TUBGCP6: variants seen among roughly 807,000 people sequenced by gnomAD.
The protein encoded by TUBGCP6 is gamma-tubulin complex component 6.
In TUBGCP6, 161 loss-of-function variants were observed where a neutral mutation model predicts 175.8. The ratio of observed to expected loss-of-function variants is 0.92; its 90% confidence interval spans 0.81 to 1.04. TUBGCP6 has a LOEUF of 1.04. Among genes scored for constraint, TUBGCP6 ranks in the 50% least tolerant of loss-of-function variants. The pLI, the probability that TUBGCP6 is intolerant of heterozygous loss-of-function variation, is 0.00. For missense variants in TUBGCP6, 2,572 were observed against 2,433.0 expected (o/e 1.06, Z -1.20); for synonymous variants, 1,173 against 1,030.5 (o/e 1.14, Z -2.65).
At chr22:50,233,567 G>A in intron 2 of TUBGCP6, 41 bp from the exon 3 acceptor site, 3 of 1,548,040 alleles carry the variant, frequency 1.9e-6, no homozygotes, top group Non-Finnish European at 2.6e-6. Flanking sequence ...CAGACGTGGT[G>A]ACCTGCACCT....
At chr22:50,219,819 C>CTCCCG in intron 17 of TUBGCP6, 28 bp from the exon 18 acceptor site, 1 of 1,609,500 alleles carries the variant, frequency 6.2e-7, no homozygotes. Context: ...TCAGAACCAC[C>CTCCCG]TCCCCACTGC....
At chr22:50,233,634 C>T in intron 2 of TUBGCP6, 108 bp from the exon 3 acceptor site, 1 of 1,101,270 alleles carries the variant, frequency 9.1e-7, no homozygotes, top group Non-Finnish European at 1.3e-6. Flanking sequence ...GGAAGTGATT[C>T]AAAACAATAA....
In TUBGCP6 at chr22:50,219,069, T is replaced by G; in HGVS notation, c.4625A>C (p.Lys1542Thr). The change falls in exon 20 of 25, where the codon AAG becomes ACG. Residue 1542 changes from lysine to threonine, a missense_variant and splice_region_variant. Coordinates refer to ENST00000248846, the MANE Select transcript of TUBGCP6 (RefSeq NM_020461.4). ...AQSLSDLLFE[K>T]LGAGQTPGEL... Reference sequence around the variant, plus strand: ...CCCCACCCCGTGTCCGGAGGCCACCTTCTCAAAGAGCAGGTCGCTGAGGGA... The same window carrying G: ...CCCCACCCCGTGTCCGGAGGCCACCGTCTCAAAGAGCAGGTCGCTGAGGGA... 6.2e-7 allele frequency: 1 copy of G among 1,612,060 alleles called. No homozygotes were observed. Among genetic ancestry groups the G allele is most frequent in the Non-Finnish European group, 8.5e-7 (1 of 1,179,910 alleles).
Position 50,227,888 on chromosome 22 carries a change from C to G in TUBGCP6, c.1412+19G>C. On this transcript the variant is annotated intron_variant, in intron 5 of 24. Coordinates refer to ENST00000248846, the MANE Select transcript of TUBGCP6 (RefSeq NM_020461.4). Reference sequence around the variant, plus strand: ...CGCTCCCGCAAAGTCCCCTGCTCAGCCGCCATGCTGAGGCTCACCTGAGCT... The same window carrying G: ...CGCTCCCGCAAAGTCCCCTGCTCAGGCGCCATGCTGAGGCTCACCTGAGCT... The G allele has an allele frequency of 6.4e-7, 1 of 1,568,908 alleles. No homozygotes were observed. Among genetic ancestry groups the G allele is most frequent in the Non-Finnish European group, 8.6e-7 (1 of 1,157,104 alleles).
At chr22:50,242,075 G>C (rs577388390) in intron 1 of TUBGCP6, among the ~76,000 whole-genome samples, 2 of 150,406 alleles carry the variant, frequency 1.3e-5, no homozygotes, top group African/African-American at 4.9e-5. Flanking sequence ...GGCAGATCAC[G>C]AGGTGAGGAG....
rs758638626 is a variant in TUBGCP6 at position 50,219,979 on chromosome 22, GGAGA to G, written c.4141_4144del (p.Ser1381GlnfsTer93). 6.2e-7 allele frequency: 1 copy of G among 1,614,038 alleles called. No homozygotes were observed. The highest frequency in any genetic ancestry group is 8.5e-7 in the Non-Finnish European group (1 of 1,179,972). ...AACCTGTGAGTTGAGAGGCCAATTT[GGAGA>G]GAGGTCCTCAGTGTCCCCGCTCCTC... On this transcript the variant is annotated frameshift_variant, in exon 17 of 25. Coordinates refer to ENST00000248846, the MANE Select transcript of TUBGCP6 (RefSeq NM_020461.4). LOFTEE classifies it high-confidence loss of function.
chr22:50,231,869 A>AAG (rs1555909307), intron 3 of TUBGCP6, among the ~76,000 whole-genome samples: 1 of 151,514 alleles, frequency 6.6e-6, no homozygotes, highest in East Asian at 1.9e-4. Context: ...CAAAAAAAAA[A>AAG]AAAAAGAAAA....
Position 50,231,253 on chromosome 22 carries a change from A to T in TUBGCP6, c.1117-1676T>A, listed in dbSNP as rs558033334. On this transcript the variant is annotated intron_variant, in intron 3 of 24. Transcript: ENST00000248846. ...GAAATCACTTGAGGTCAGGAGTTTG[A>T]GACCAGCCTGGTCAACATGGTGAAA... Among the ~76,000 whole-genome samples the T allele has an allele frequency of 4.0e-5, 5 of 125,736 alleles. No homozygotes were observed. The East Asian group carries it at 1.2e-3, about 30-fold the overall frequency. The allele number at this position is 125,736 out of a possible 152,430, so 82.5% of individuals were successfully genotyped here. A position where few individuals can be genotyped will look rare whatever the true frequency, so the allele number is the denominator to read the frequency against.
In TUBGCP6 at chr22:50,242,044, G is replaced by A. The variant is rs543314036; in HGVS notation, c.741+1675C>T. On this transcript the variant is annotated intron_variant, in intron 1 of 24. Transcript: ENST00000248846. The stretch of plus-strand genomic sequence containing the variant: ...GGCCGGGCTCACGCCTGTAATCCCA[G>A]CACTTTGGGAGGCCGAGGCGGGCAG... Among the ~76,000 whole-genome samples the A allele has an allele frequency of 3.8e-4, 55 of 143,118 alleles. 1 individual carries two copies. The South Asian group carries it at 0.012, about 31-fold the overall frequency. The allele number at this position is 143,118 out of a possible 152,430, so 93.9% of individuals were successfully genotyped here. A position where few individuals can be genotyped will look rare whatever the true frequency, so the allele number is the denominator to read the frequency against.
intron 4 of TUBGCP6, 102 bp from the exon 5 acceptor site, chr22:50,228,130 C>A: frequency 3.0e-6 from 4 of 1,350,060 alleles, no homozygotes; most frequent in Non-Finnish European, 2.0e-6. Context: ...TTGTTTCTTG[C>A]CTCAGCTCTG....
In TUBGCP6 at chr22:50,226,302, A is replaced by C; in HGVS notation, c.1678T>G (p.Tyr560Asp). The change falls in exon 8 of 25, where the codon TAC becomes GAC. Residue 560 changes from tyrosine to aspartate, a missense_variant. Physicochemically the swap from Tyr to Asp is radical, Grantham distance 160. Transcript: ENST00000248846. Reference sequence around the variant, plus strand: ...TGCCACCTACCTCGGAAGCTGAGGTACTCGTGGTTCACCTGAATCATGAAC... The same window carrying C: ...TGCCACCTACCTCGGAAGCTGAGGTCCTCGTGGTTCACCTGAATCATGAAC... ...GEFMIQVNHE[Y>D]LSFRDKLYWT... 1 of 1,613,850 alleles carries C rather than the reference A, an allele frequency of 6.2e-7. No homozygotes were observed. Among genetic ancestry groups the C allele is most frequent in the Non-Finnish European group, 8.5e-7 (1 of 1,179,972 alleles).
At chr22:50,224,643 A>T (rs767341440) in intron 10 of TUBGCP6, 51 bp from the exon 11 acceptor site, 127 of 1,590,922 alleles carry the variant, frequency 8.0e-5, no homozygotes, top group Non-Finnish European at 1.0e-4. Flanking sequence ...GCAGTGGCTC[A>T]CGCCTGTAAT....
intron 4 of TUBGCP6, 143 bp from the exon 5 acceptor site, chr22:50,228,171 A>G (rs918606040): frequency 3.9e-6 from 4 of 1,032,228 alleles, no homozygotes; most frequent in African/African-American, 3.3e-5. Context: ...GGCCTCTGTG[A>G]GCCACACCCC....
intron 4 of TUBGCP6, 135 bp from the exon 5 acceptor site, chr22:50,228,163 C>G: frequency 9.3e-7 from 1 of 1,075,666 alleles, no homozygotes; most frequent in Non-Finnish European, 1.3e-6. Context: ...AAGCAATGGG[C>G]CTCTGTGAGC....
Position 50,244,322 on chromosome 22 carries a change from GA to G in TUBGCP6, c.137del (p.Phe46SerfsTer32). On this transcript the variant is annotated frameshift_variant, in exon 1 of 25. Coordinates refer to ENST00000248846, the MANE Select transcript of TUBGCP6 (RefSeq NM_020461.4). LOFTEE classifies it high-confidence loss of function. The stretch of plus-strand genomic sequence containing the variant: ...GAGTCTCATCTTGAAAAAGATTTGT[GA>G]AAAGAGCATTGTAGGCCACCTTCTT... The part of the protein sequence containing the change: ...SLKKVAYNAL[F>X]TNLFQDETQQ... The G allele has an allele frequency of 6.2e-7, 1 of 1,613,632 alleles. No individual in the cohort carries two copies. The highest frequency in any genetic ancestry group is 8.5e-7 in the Non-Finnish European group (1 of 1,180,048).
At position 50,224,544 on chromosome 22, in the gene TUBGCP6, C is replaced by T. The variant is rs899394046; in HGVS notation, c.2032G>A (p.Glu678Lys). The change falls in exon 11 of 25, where the codon GAA becomes AAA. Residue 678 changes from glutamate (E) to lysine (K), a missense_variant. Physicochemically the swap from Glu to Lys is moderately conservative, Grantham distance 56. Coordinates refer to ENST00000248846, the MANE Select transcript of TUBGCP6 (RefSeq NM_020461.4). ...AKQELIAHAR[E>K]AASRVLSALS... The stretch of plus-strand genomic sequence containing the variant: ...GCACTCAGGACCCTGGATGCTGCTT[C>T]CCGGGCATGAGCGATTAATTCTTGT... The T allele has an allele frequency of 6.2e-7, 1 of 1,614,188 alleles. No individual in the cohort carries two copies. Among genetic ancestry groups the T allele is most frequent in the Non-Finnish European group, 8.5e-7 (1 of 1,180,040 alleles).
At chr22:50,228,204 C>T (rs948113076) in intron 4 of TUBGCP6, among the ~76,000 whole-genome samples, 176 bp from the exon 5 acceptor site, 2 of 152,202 alleles carry the variant, frequency 1.3e-5, no homozygotes, top group Non-Finnish European at 2.9e-5. Flanking sequence ...GGTGGAAATG[C>T]GGCCCATCCA....
At chr22:50,224,686 C>A in intron 10 of TUBGCP6, 94 bp from the exon 11 acceptor site, 1 of 1,242,024 alleles carries the variant, frequency 8.1e-7, no homozygotes, top group Non-Finnish European at 1.2e-6. Flanking sequence ...GTGGGTAGAT[C>A]ACATGAGCTT....
rs781294854 is a variant in TUBGCP6, at chr22:50,221,505, C to T, written c.2854G>A (p.Asp952Asn). Residue 952 changes from aspartate to asparagine, a missense_variant, in exon 16 of 25, where the codon GAC becomes AAC. Asp to Asn is a conservative substitution (Grantham distance 23). Transcript: ENST00000248846. ...GCTGGCCTCAGGACAGTACTAAAGT[C>T]GTACTCCTGTGGCCTGGAGGGCTGA... Reference protein sequence around the residue: ...STQPSRPQEYDFSTVLRPAVA... With the variant: ...STQPSRPQEYNFSTVLRPAVA... The T allele has an allele frequency of 6.9e-6, 11 of 1,586,206 alleles. No homozygotes were observed. In the East Asian group the frequency reaches 2.1e-4, roughly 30 times the overall value.
Sources: gnomAD v4.1 joint callset for allele counts (sites outside exome capture counted in the v4.1 genomes callset) on GRCh38, gnomAD v4.1.1 for gene constraint, MANE v1.5 for transcripts, NCBI Gene and HGNC (gene_info 2026-07-23, HGNC 2026-07-21) for gene names.